The following TUSC3 variants were observed in gnomAD, a reference collection of about 807,000 sequenced individuals.
TUSC3 encodes tumor suppressor candidate 3.
In TUSC3, 45 loss-of-function variants were observed where a neutral mutation model predicts 44.8. The observed-to-expected ratio is 1.00, with a 90% CI of 0.79 to 1.29. The LOEUF is 1.29. Ranked by LOEUF, TUSC3 falls within the 50% of genes most tolerant of loss-of-function variation. TUSC3 has a pLI of 0.00. For missense variants in TUSC3, 519 were observed against 437.9 expected, an observed-to-expected ratio of 1.19 and a Z score of -1.65; for synonymous variants, 212 against 152.9, an observed-to-expected ratio of 1.39 and a Z score of -2.85.
At chr8:15,841,515 C>CA in the TUSC3 span, among the ~76,000 whole-genome samples, 1 of 151,788 alleles carries the variant, frequency 6.6e-6, no homozygotes, top group Admixed American at 6.6e-5. Flanking sequence ...TGTTATGAGA[C>CA]AAAATTTTTT....
intron 9 of TUSC3, among the ~76,000 whole-genome samples, chr8:15,755,423 TTTC>T (rs1472459553): frequency 1.3e-5 from 2 of 152,164 alleles, no homozygotes. Flanking sequence ...CTAAAAAGTT[TTTC>T]TTTACGCTAA....
At chr8:15,426,485 A>T (rs1487051118) in intron 1 of TUSC3, among the ~76,000 whole-genome samples, 1 of 152,162 alleles carries the variant, frequency 6.6e-6, no homozygotes, top group African/African-American at 2.4e-5. Context: ...ATGTAAGTGG[A>T]AGTCTACTAT....
At chr8:15,506,612 C>T (rs1801054335) in intron 2 of TUSC3, among the ~76,000 whole-genome samples, 1 of 152,172 alleles carries the variant, frequency 6.6e-6, no homozygotes, top group Non-Finnish European at 1.5e-5. Context: ...ACACGCCTTA[C>T]ATGGTGGCAG....
Position 15,672,000 on chromosome 8 carries a change from T to A in TUSC3, c.709-1747T>A, listed in dbSNP as rs570713152. 1.2e-4 allele frequency among the ~76,000 whole-genome samples: 18 copies of A among 152,134 alleles called. No homozygotes were observed. The South Asian group carries it at 1.7e-3, about 14-fold the overall frequency. On this transcript the variant is annotated intron_variant, in intron 5 of 10. Coordinates refer to ENST00000503731, the MANE Select transcript of TUSC3 (RefSeq NM_006765.4). ...TAATTGTCAAATGAGTAAAATAAAC[T>A]GGAAAGGTTCCATGGAGAACCATTT...
chr8:15,527,192 C>A (rs896302686), intron 2 of TUSC3, among the ~76,000 whole-genome samples: 5 of 152,050 alleles, frequency 3.3e-5, no homozygotes, highest in African/African-American at 4.8e-5. Context: ...ATTATGAATT[C>A]TTTTCTATGT....
intron 1 of TUSC3, among the ~76,000 whole-genome samples, chr8:15,569,570 T>C (rs766479949): frequency 3.9e-5 from 6 of 152,128 alleles, no homozygotes; most frequent in Non-Finnish European, 7.3e-5. Context: ...GTAAATAATT[T>C]ATGATTCAAA....
intron 2 of TUSC3, among the ~76,000 whole-genome samples, chr8:15,522,459 C>A (rs1021921749): frequency 1.3e-5 from 2 of 151,930 alleles, no homozygotes; most frequent in African/African-American, 4.8e-5. Context: ...TCTTGAACTC[C>A]CGAACTCAGG....
chr8:15,597,983 C>T (rs890440821), intron 1 of TUSC3, among the ~76,000 whole-genome samples: 1 of 152,018 alleles, frequency 6.6e-6, no homozygotes, highest in Non-Finnish European at 1.5e-5. Context: ...AACACTTATT[C>T]TGTGTCCTAG....
intron 2 of TUSC3, among the ~76,000 whole-genome samples, chr8:15,493,916 C>T (rs1800844315): frequency 6.6e-6 from 1 of 152,116 alleles, no homozygotes; most frequent in Non-Finnish European, 1.5e-5. Context: ...CTAAAAAGAC[C>T]AATAAATATG....
chr8:15,591,815 A>G (rs1803852229), intron 1 of TUSC3, among the ~76,000 whole-genome samples: 1 of 152,190 alleles, frequency 6.6e-6, no homozygotes, highest in Non-Finnish European at 1.5e-5. Flanking sequence ...AGAACATTGT[A>G]GCGCCTTCTT....
intron 5 of TUSC3, among the ~76,000 whole-genome samples, chr8:15,662,827 C>T (rs979482617): frequency 6.6e-6 from 1 of 151,896 alleles, no homozygotes; most frequent in Non-Finnish European, 1.5e-5. Context: ...CAGAGTATTA[C>T]AGGAATGCAC....
intron 1 of TUSC3, among the ~76,000 whole-genome samples, chr8:15,573,495 A>G (rs1802971240): frequency 2.0e-5 from 3 of 151,790 alleles, no homozygotes; most frequent in African/African-American, 7.3e-5. Context: ...ATTTCAGAGC[A>G]CAGTAGTTAG....
chr8:15,476,487 G>A (rs1251648923), intron 1 of TUSC3, among the ~76,000 whole-genome samples: 1 of 152,188 alleles, frequency 6.6e-6, no homozygotes, highest in Non-Finnish European at 1.5e-5. Context: ...TAAGGTTTAA[G>A]AGAGGGCTCA....
chr8:15,563,645 C>A (rs370861347), intron 1 of TUSC3, among the ~76,000 whole-genome samples: 1 of 131,898 alleles, frequency 7.6e-6, no homozygotes, highest in Non-Finnish European at 1.5e-5. Flanking sequence ...CGGATTGTGC[C>A]ATAGCACTCC....
intron 1 of TUSC3, among the ~76,000 whole-genome samples, chr8:15,579,211 T>C (rs201627922): frequency 0.22 from 31,480 of 144,954 alleles, 3,355 homozygotes; most frequent in East Asian, 0.45. Flanking sequence ...CTCTCTTTTT[T>C]TCTTTATTAG....
chr8:15,758,174 A>G (rs1458544751), intron 10 of TUSC3: 25 of 1,075,070 alleles, frequency 2.3e-5, no homozygotes, highest in Middle Eastern at 4.4e-4. Context: ...GTCAACAAAT[A>G]TATTTCATTC....
At chr8:15,469,412 A>G (rs970474831) in intron 1 of TUSC3, among the ~76,000 whole-genome samples, 2 of 152,240 alleles carry the variant, frequency 1.3e-5, no homozygotes, top group Non-Finnish European at 2.9e-5. Context: ...TAGGTTCTAT[A>G]TCACATGTCA....
At chr8:15,537,687 A>C (rs188048099), upstream of TUSC3, among the ~76,000 whole-genome samples, 1 of 152,146 alleles carries the variant, frequency 6.6e-6, no homozygotes, top group Non-Finnish European at 1.5e-5. Context: ...TAAAGGCAGC[A>C]TGTTTGGGGA....
chr8:15,487,416 T>C (rs1162106050), intron 2 of TUSC3, among the ~76,000 whole-genome samples: 2 of 152,194 alleles, frequency 1.3e-5, no homozygotes, highest in Non-Finnish European at 2.9e-5. Context: ...TTTTCTAGCA[T>C]CCAATTCCGT....
Sources: gnomAD v4.1 joint callset for allele counts (sites outside exome capture counted in the v4.1 genomes callset) on GRCh38, gnomAD v4.1.1 for gene constraint, MANE v1.5 for transcripts, NCBI Gene and HGNC (gene_info 2026-07-23, HGNC 2026-07-21) for gene names.